Variants in CNTLN observed in about 807,000 individuals in gnomAD.
CNTLN encodes the protein centlein, also known as centlein, centrosomal protein.
Under a neutral mutation model 180.0 loss-of-function variants are expected in CNTLN, and 212 were observed. The observed-to-expected ratio is 1.18, with a 90% CI of 1.05 to 1.32. CNTLN has a LOEUF of 1.32. CNTLN is among the 40% of genes most tolerant of loss of function. CNTLN has a pLI of 0.00. For synonymous variants in CNTLN, 722 were observed against 563.1 expected, an observed-to-expected ratio of 1.28 and a Z score of -3.99; for missense variants, 2,095 against 1,610.9, an observed-to-expected ratio of 1.30 and a Z score of -5.14.
intron 2 of CNTLN, among the ~76,000 whole-genome samples, chr9:17,217,180 A>G (rs758766820): frequency 1.2e-4 from 19 of 152,262 alleles, no homozygotes; most frequent in Non-Finnish European, 2.4e-4. Flanking sequence ...AGATTATAGT[A>G]AGGAATAGTT....
At chr9:17,272,855 A>T (rs145509168) in intron 5 of CNTLN, among the ~76,000 whole-genome samples, 54 of 152,082 alleles carry the variant, frequency 3.6e-4, no homozygotes, top group African/African-American at 1.3e-3. Context: ...GGGCACAAAG[A>T]TAGAGTAAGT....
intron 25 of CNTLN, among the ~76,000 whole-genome samples, chr9:17,500,977 A>C (rs1439614944): frequency 6.6e-6 from 1 of 152,190 alleles, no homozygotes; most frequent in Non-Finnish European, 1.5e-5. Flanking sequence ...TGCTTTTATC[A>C]TTATCCTCCA....
the CNTLN span, among the ~76,000 whole-genome samples, chr9:17,515,908 C>T: frequency 1.3e-5 from 2 of 152,190 alleles, no homozygotes; most frequent in African/African-American, 2.4e-5. Context: ...CTCAAAGTAA[C>T]AGAAGAGTCT....
intron 2 of CNTLN, among the ~76,000 whole-genome samples, chr9:17,213,109 G>A (rs1048193153): frequency 6.6e-6 from 1 of 152,088 alleles, no homozygotes; most frequent in African/African-American, 2.4e-5. Context: ...TTTTGAATGT[G>A]TTTGCTCTTG....
intron 6 of CNTLN, among the ~76,000 whole-genome samples, chr9:17,282,020 T>C (rs1828697225): frequency 6.6e-6 from 1 of 152,198 alleles, no homozygotes. Context: ...TGGAGTGCAG[T>C]GGAGCGATCT....
intron 18 of CNTLN, among the ~76,000 whole-genome samples, chr9:17,444,980 T>C (rs944648692): frequency 1.3e-5 from 2 of 152,190 alleles, no homozygotes; most frequent in African/African-American, 2.4e-5. Flanking sequence ...CTCTATGCTA[T>C]GAAAGACTTT....
rs1817636924 is a variant in CNTLN, at chr9:17,135,399, C to CTAAA, written c.335_338dup (p.Lys113AsnfsTer11). ...GCTGCTGGAGGAAGAGCTGAGCAGC[C>CTAAA]TAAAGGAGGAGTTGGCCCTGTGTCA... On this transcript the variant is annotated frameshift_variant, in exon 1 of 26. Coordinates refer to ENST00000380647, the MANE Select transcript of CNTLN (RefSeq NM_017738.4). LOFTEE classifies it high-confidence loss of function. 5 of 1,597,846 alleles carry CTAAA rather than the reference C, an allele frequency of 3.1e-6. No individual in the cohort carries two copies. The highest frequency in any genetic ancestry group is 4.3e-6 in the Non-Finnish European group (5 of 1,173,342).
At chr9:17,484,517 T>TTA (rs752197566) in intron 24 of CNTLN, 37 bp downstream of exon 24, 4 of 1,485,596 alleles carry the variant, frequency 2.7e-6, no homozygotes, top group Non-Finnish European at 3.7e-6. Flanking sequence ...AAAGGGTTTA[T>TTA]TATACACTGG....
In CNTLN at chr9:17,394,603, A is replaced by C; in HGVS notation, c.2149A>C (p.Lys717Gln). The change falls in exon 15 of 26, where the codon AAA becomes CAA. Residue 717 changes from lysine to glutamine, a missense_variant. By Grantham distance (53) the Lys-to-Gln change is moderately conservative (BLOSUM62 1). Coordinates refer to ENST00000380647, the MANE Select transcript of CNTLN (RefSeq NM_017738.4). Reference protein sequence around the residue: ...RSRKLKEGNKKLMKENDFLKS... With the variant: ...RSRKLKEGNKQLMKENDFLKS... ...GAGAAAATTAAAAGAAGGGAATAAA[A>C]AATTAATGAAAGAAAATGATTTTCT... 1 of 1,596,816 alleles carries C rather than the reference A, an allele frequency of 6.3e-7. No homozygotes were observed. Among genetic ancestry groups the C allele is most frequent in the South Asian group, 1.2e-5 (1 of 86,110 alleles).
At chr9:17,157,479 A>T (rs998662903) in intron 2 of CNTLN, among the ~76,000 whole-genome samples, 4 of 152,208 alleles carry the variant, frequency 2.6e-5, no homozygotes, top group Admixed American at 6.5e-5. Context: ...CATTTCCTCA[A>T]TGTGAAAGTT....
intron 13 of CNTLN, among the ~76,000 whole-genome samples, chr9:17,369,986 GAAA>G (rs113484510): frequency 9.1e-6 from 1 of 109,996 alleles, no homozygotes; most frequent in African/African-American, 3.3e-5. Context: ...ACTCCATCTC[GAAA>G]AAAAAAAAAA....
Position 17,226,255 on chromosome 9 carries a change from G to T in CNTLN, c.502G>T (p.Val168Phe), listed in dbSNP as rs1212351379. 3.8e-6 allele frequency: 6 copies of T among 1,579,116 alleles called. No homozygotes were observed. The highest frequency in any genetic ancestry group is 5.2e-6 in the Non-Finnish European group (6 of 1,163,872). Residue 168 changes from valine (V) to phenylalanine (F), a missense_variant, in exon 3 of 26, where the codon GTC (valine) becomes TTC (phenylalanine). Val to Phe is a conservative substitution (Grantham distance 50, BLOSUM62 -1). Transcript: ENST00000380647. Reference sequence around the variant, plus strand: ...CAGAAAAGTTCTAGAAATTCTGCAAGTCAAGGATGCCAAAATACAAGAATT... The same window carrying T: ...CAGAAAAGTTCTAGAAATTCTGCAATTCAAGGATGCCAAAATACAAGAATT... ...KDRKVLEILQ[V>F]KDAKIQEFEQ...
At chr9:17,181,464 T>C (rs1338803106) in intron 2 of CNTLN, among the ~76,000 whole-genome samples, 1 of 152,270 alleles carries the variant, frequency 6.6e-6, no homozygotes, top group Non-Finnish European at 1.5e-5. Context: ...CATTGAAGCA[T>C]TTTCATTATG....
chr9:17,263,745 T>C (rs1424815804), intron 5 of CNTLN, among the ~76,000 whole-genome samples: 2 of 145,608 alleles, frequency 1.4e-5, no homozygotes, highest in Non-Finnish European at 3.0e-5. Context: ...CTAACTGGTG[T>C]GAGATGGTAT....
intron 2 of CNTLN, among the ~76,000 whole-genome samples, chr9:17,146,807 T>A (rs1020201177): frequency 1.8e-4 from 28 of 152,270 alleles, no homozygotes; most frequent in African/African-American, 5.0e-4. Flanking sequence ...ACTTATTTTT[T>A]AATTTTTTCC....
At chr9:17,211,719 C>T (rs1563885233) in intron 2 of CNTLN, among the ~76,000 whole-genome samples, 3 of 152,076 alleles carry the variant, frequency 2.0e-5, no homozygotes, top group East Asian at 3.9e-4. Context: ...TTTATGTCCT[C>T]TTTTATTTTT....
intron 6 of CNTLN, among the ~76,000 whole-genome samples, chr9:17,293,969 C>G (rs753267790): frequency 6.6e-6 from 1 of 152,146 alleles, no homozygotes; most frequent in Non-Finnish European, 1.5e-5. Flanking sequence ...CGTTCTTGGT[C>G]TCACTGACTT....
intron 2 of CNTLN, among the ~76,000 whole-genome samples, chr9:17,192,575 G>C (rs1415145234): frequency 6.6e-6 from 1 of 152,136 alleles, no homozygotes; most frequent in Non-Finnish European, 1.5e-5. Flanking sequence ...AACAGATGAA[G>C]GAACTGAGGT....
intron 25 of CNTLN, among the ~76,000 whole-genome samples, chr9:17,493,462 C>T (rs760401426): frequency 4.2e-4 from 64 of 152,072 alleles, no homozygotes; most frequent in Non-Finnish European, 8.7e-4. Context: ...CCTCCTATAC[C>T]GTGCTAAGGG....
Sources: gnomAD v4.1 joint callset for allele counts (sites outside exome capture counted in the v4.1 genomes callset) on GRCh38, gnomAD v4.1.1 for gene constraint, MANE v1.5 for transcripts, NCBI Gene and HGNC (gene_info 2026-07-23, HGNC 2026-07-21) for gene names.